Variants in LRP2 observed in about 807,000 individuals in gnomAD.
The protein encoded by LRP2 is LDL receptor related protein 2.
A neutral mutation model predicts 531.0 loss-of-function variants in LRP2; 172 were observed. That is an observed-to-expected ratio of 0.32 (90% CI 0.29 to 0.37). The LOEUF is 0.37. Ranked by LOEUF, LRP2 falls within the 10% of genes least tolerant of loss-of-function variation. The pLI is 1.00. For missense variants in LRP2, 5,167 were observed against 5,868.3 expected, an observed-to-expected ratio of 0.88 and a Z score of 3.90; for synonymous variants, 1,992 against 2,027.6, an observed-to-expected ratio of 0.98 and a Z score of 0.47.
chr2:169,292,355 C>T lies in LRP2; in HGVS notation c.667G>A (p.Gly223Ser), dbSNP rs528193479. The change falls in exon 7 of 79, where the codon GGT (glycine) becomes AGT (serine). Residue 223 changes from glycine to serine, a missense_variant. Transcript: ENST00000649046. ...CTGGGGCAAGTGAACTGGTAACCAC[C>T]GCAGGTCGGATAGTCTGGAATAAAG... Reference protein sequence around the residue: ...DEHACNYPTCGGYQFTCPSGR... With the variant: ...DEHACNYPTCSGYQFTCPSGR... The T allele has an allele frequency of 5.5e-5, 89 of 1,612,818 alleles. No individual in the cohort carries two copies. In the Admixed American group the frequency reaches 8.3e-4, roughly 15 times the overall value.
chr2:169,278,600 C>G (rs1215810258), intron 12 of LRP2, among the ~76,000 whole-genome samples: 1 of 152,170 alleles, frequency 6.6e-6, no homozygotes, highest in Non-Finnish European at 1.5e-5. Flanking sequence ...AAGAAGCTAT[C>G]AAGCCATTTT....
At chr2:169,358,936 A>T (rs1026978173) in intron 1 of LRP2, among the ~76,000 whole-genome samples, 2 of 151,296 alleles carry the variant, frequency 1.3e-5, no homozygotes, top group Non-Finnish European at 2.9e-5. Context: ...TTCCAATCAC[A>T]TGCTAGGGTC....
At chr2:169,275,431 C>G in intron 13 of LRP2, 193 bp from the exon 14 acceptor site, 1 of 580,410 alleles carries the variant, frequency 1.7e-6, no homozygotes, top group East Asian at 3.0e-5. Flanking sequence ...TTCATGTTGT[C>G]TCTTGGAAAA....
intron 1 of LRP2, among the ~76,000 whole-genome samples, chr2:169,352,465 G>T (rs10199676): frequency 0.16 from 24,145 of 152,122 alleles, 2,150 homozygotes; most frequent in East Asian, 0.29. Flanking sequence ...ATTTGCAGTG[G>T]TAAGTCAGTT....
At chr2:169,145,082 G>A (rs1052077453) in intron 70 of LRP2, among the ~76,000 whole-genome samples, 1 of 152,204 alleles carries the variant, frequency 6.6e-6, no homozygotes. Flanking sequence ...AGGTTTGGGA[G>A]GTCTTTATAA....
chr2:169,242,345 C>G (rs1689837561), intron 24 of LRP2, among the ~76,000 whole-genome samples: 1 of 152,206 alleles, frequency 6.6e-6, no homozygotes, highest in South Asian at 2.1e-4. Flanking sequence ...CAGAATTATA[C>G]TGTATGAAGT....
intron 70 of LRP2, 152 bp downstream of exon 70, chr2:169,145,595 T>TC: frequency 1.4e-6 from 1 of 737,212 alleles, no homozygotes; most frequent in Non-Finnish European, 2.3e-6. Context: ...AACGTTCCTC[T>TC]CCCCCAGCAA....
In LRP2 at chr2:169,245,242, T is replaced by G. The variant is rs149050875; in HGVS notation, c.3191-310A>C. ...TTTTACAGATAAGGAAATTGAGTCT[T>G]TGAGAGATTTAGGAACCTGCCTATG... On this transcript the variant is annotated intron_variant, in intron 21 of 78. Coordinates refer to ENST00000649046, the MANE Select transcript of LRP2 (RefSeq NM_004525.3). Among the ~76,000 whole-genome samples the G allele has an allele frequency of 5.5e-3, 835 of 152,322 alleles. 9 individuals are homozygous for G. The Middle Eastern group carries it at 0.065, about 12-fold the overall frequency.
At chr2:169,338,404 G>GAAAGAAAGAAAGAAAGAAAGAAAGAAAGA (rs1553516032) in intron 1 of LRP2, among the ~76,000 whole-genome samples, 10 of 104,666 alleles carry the variant, frequency 9.6e-5, no homozygotes, top group East Asian at 3.3e-4. Flanking sequence ...AAGAAAGAAA[G>GAAAGAAAGAAAGAAAGAAAGAAAGAAAGA]AAAGAAAAGA....
At chr2:169,347,261 G>A (rs568867609) in intron 1 of LRP2, among the ~76,000 whole-genome samples, 3 of 152,284 alleles carry the variant, frequency 2.0e-5, no homozygotes, top group African/African-American at 7.2e-5. Flanking sequence ...ACTGACTTTA[G>A]TAATGACAGA....
At chr2:169,194,902 G>C (rs1687954669) in intron 46 of LRP2, among the ~76,000 whole-genome samples, 1 of 151,252 alleles carries the variant, frequency 6.6e-6, no homozygotes, top group Admixed American at 6.6e-5. Context: ...AGTAGAGACA[G>C]GTTTCACCAT....
intron 1 of LRP2, among the ~76,000 whole-genome samples, chr2:169,337,035 C>A (rs763705694): frequency 6.6e-6 from 1 of 152,112 alleles, no homozygotes; most frequent in Admixed American, 6.6e-5. Context: ...AATGGTCCCA[C>A]CTCCGCCTGA....
At chr2:169,257,809 C>CA (rs777633269) in intron 17 of LRP2, among the ~76,000 whole-genome samples, 2,159 of 68,740 alleles carry the variant, frequency 0.031, 44 homozygotes, top group African/African-American at 0.1. Flanking sequence ...AGTCTAGAGG[C>CA]AAAAAAAAAC....
intron 34 of LRP2, among the ~76,000 whole-genome samples, chr2:169,217,159 C>A (rs1688828831): frequency 6.6e-6 from 1 of 152,128 alleles, no homozygotes; most frequent in Non-Finnish European, 1.5e-5. Flanking sequence ...GATGTAAGTT[C>A]TAGACTTGAA....
intron 13 of LRP2, among the ~76,000 whole-genome samples, chr2:169,277,208 A>AG (rs1252778887): frequency 6.6e-6 from 1 of 151,840 alleles, no homozygotes; most frequent in East Asian, 1.9e-4. Context: ...AAAAAAAAAA[A>AG]AAAAGAAAGC....
chr2:169,221,993 T>C (rs1689035023), intron 33 of LRP2, among the ~76,000 whole-genome samples: 1 of 152,190 alleles, frequency 6.6e-6, no homozygotes. Flanking sequence ...CTACCCCTAG[T>C]GGATAATAGT....
chr2:169,191,746 T>C (rs2105310810), intron 48 of LRP2, 86 bp downstream of exon 48: 1 of 1,121,170 alleles, frequency 8.9e-7, no homozygotes, highest in Non-Finnish European at 1.4e-6. Context: ...CTGGGCACTG[T>C]GGCCACGGGG....
chr2:169,205,687 C>G, intron 40 of LRP2, 50 bp from the exon 41 acceptor site: 2 of 1,507,352 alleles, frequency 1.3e-6, no homozygotes, highest in Non-Finnish European at 1.8e-6. Flanking sequence ...ACCTCATAGT[C>G]CTTTAAAAAA....
chr2:169,235,851 C>T lies in LRP2; in HGVS notation c.4909G>A (p.Ala1637Thr), dbSNP rs1689584973. The T allele has an allele frequency of 1.9e-6, 3 of 1,613,926 alleles. No homozygotes were observed. The highest frequency in any genetic ancestry group is 1.7e-6 in the Non-Finnish European group (2 of 1,179,806). The change falls in exon 29 of 79, where the codon GCC (alanine) becomes ACC (threonine). Residue 1637 changes from alanine to threonine, a missense_variant. This residue lies in a region of LRP2 where 2,811 missense variants were observed against 3,058.0 expected (regional missense o/e 0.92). Coordinates refer to ENST00000649046, the MANE Select transcript of LRP2 (RefSeq NM_004525.3). ...CACCACCAACTTACCAAATCACTGG[C>T]TATCACCTGTCTCCGATGGTGTCCA... ...YNGHHRRQVI[A>T]SDLIIRHPYA...
Sources: allele counts gnomAD v4.1 joint callset (sites outside exome capture counted in the v4.1 genomes callset), GRCh38; gene constraint gnomAD v4.1.1; regional missense constraint gnomAD v4.1.1; transcripts MANE v1.5; gene names NCBI Gene and HGNC (gene_info 2026-07-23, HGNC 2026-07-21).